The following CES5A variants were observed in gnomAD, a reference collection of about 807,000 sequenced individuals.
CES5A encodes carboxylesterase 5.
In CES5A, 67 loss-of-function variants were observed where a neutral mutation model predicts 62.9. The observed-to-expected ratio is 1.07, with a 90% CI of 0.88 to 1.31. The LOEUF (loss-of-function observed/expected upper bound fraction) is 1.31, where lower values mean the gene tolerates loss of function less well. Among genes scored for constraint, CES5A ranks in the 50% most tolerant of loss-of-function variants. CES5A has a pLI of 0.00. For synonymous variants in CES5A, 296 were observed against 280.8 expected (o/e 1.05, Z -0.54); for missense variants, 748 against 708.5 (o/e 1.06, Z -0.63).
At chr16:55,949,149 C>T (rs545999304) in intron 2 of CES5A, among the ~76,000 whole-genome samples, 2 of 152,174 alleles carry the variant, frequency 1.3e-5, no homozygotes, top group Non-Finnish European at 2.9e-5. Context: ...CCACAGGAAG[C>T]AGACCCTGAG....
chr16:55,859,315 T>G (rs1286711799), intron 8 of CES5A, among the ~76,000 whole-genome samples: 1 of 152,224 alleles, frequency 6.6e-6, no homozygotes, highest in Non-Finnish European at 1.5e-5. Context: ...TTTATACAGT[T>G]GTTTCTTCCG....
intron 1 of CES5A, among the ~76,000 whole-genome samples, chr16:55,897,122 C>T (rs564645351): frequency 2.6e-5 from 4 of 152,096 alleles, no homozygotes; most frequent in African/African-American, 9.6e-5. Flanking sequence ...CCTTCTGCTC[C>T]TCTCCAGCTT....
chr16:55,932,099 T>C (rs1198520947), intron 2 of CES5A, among the ~76,000 whole-genome samples: 1 of 152,022 alleles, frequency 6.6e-6, no homozygotes, highest in Admixed American at 6.6e-5. Context: ...ATCACAAGAG[T>C]GTGTCTATTA....
chr16:55,917,204 C>T (rs2034155685), intron 1 of CES5A, among the ~76,000 whole-genome samples: 1 of 152,194 alleles, frequency 6.6e-6, no homozygotes, highest in Non-Finnish European at 1.5e-5. Context: ...AACACTTACT[C>T]CACCTTTGAC....
chr16:55,864,000 C>T (rs1597119388), intron 5 of CES5A, among the ~76,000 whole-genome samples: 3 of 152,216 alleles, frequency 2.0e-5, no homozygotes, highest in Admixed American at 2.0e-4. Flanking sequence ...CTCACCTCAG[C>T]CTCCCAAAGT....
chr16:55,948,933 T>C (rs1213277269), intron 2 of CES5A, among the ~76,000 whole-genome samples: 1 of 152,156 alleles, frequency 6.6e-6, no homozygotes, highest in Non-Finnish European at 1.5e-5. Flanking sequence ...TGGGGACAGT[T>C]GCAGAAGGAG....
chr16:55,921,305 G>A (rs898528690), intron 1 of CES5A, among the ~76,000 whole-genome samples: 1 of 151,912 alleles, frequency 6.6e-6, no homozygotes, highest in Admixed American at 6.6e-5. Context: ...ACTAGTCCAC[G>A]GCATATAATA....
chr16:55,909,293 C>G (rs1278625459), intron 1 of CES5A, among the ~76,000 whole-genome samples: 2 of 152,174 alleles, frequency 1.3e-5, no homozygotes, highest in African/African-American at 2.4e-5. Flanking sequence ...TTCCTGCACC[C>G]TCTTTCCCAC....
At chr16:55,936,745 G>A (rs1430966435) in intron 2 of CES5A, among the ~76,000 whole-genome samples, 3 of 152,184 alleles carry the variant, frequency 2.0e-5, no homozygotes, top group Non-Finnish European at 2.9e-5. Flanking sequence ...TTTATTTTAG[G>A]TGACAGGGGT....
intron 1 of CES5A, among the ~76,000 whole-genome samples, chr16:55,901,795 GTT>G (rs1438602864): frequency 8.5e-5 from 13 of 152,140 alleles, no homozygotes; most frequent in African/African-American, 3.1e-4. Flanking sequence ...TCTTGCAAAT[GTT>G]TTTTCTGACC....
intron 4 of CES5A, among the ~76,000 whole-genome samples, chr16:55,866,852 T>TA (rs1234438702): frequency 1.3e-5 from 2 of 150,812 alleles, no homozygotes; most frequent in African/African-American, 4.9e-5. Context: ...AAAATAAAAA[T>TA]AAAAAAATAA....
rs1237774837 is a variant in CES5A, at chr16:55,949,904, T to C, written c.43-2A>G. 2.6e-5 allele frequency: 36 copies of C among 1,369,682 alleles called. No homozygotes were observed. Among genetic ancestry groups the C allele is most frequent in the Non-Finnish European group, 3.0e-5 (31 of 1,025,430 alleles). 84.8% of individuals were successfully genotyped at this position (1,369,682 alleles called of 1,614,324 possible). A position where few individuals can be genotyped will look rare whatever the true frequency, so the allele number is the denominator to read the frequency against. On this transcript the variant is annotated splice_acceptor_variant, in intron 1 of 13. Transcript: ENST00000521992. LOFTEE classifies it high-confidence loss of function. ...CATTCCCCTTCTTATCCTAAACTCC[T>C]GGAAAAAAAGAAATAATAATAATAA... is the stretch of plus-strand genomic sequence containing the variant.
chr16:55,859,696 A>C lies in CES5A; in HGVS notation c.916-9T>G, dbSNP rs4082239. The C allele has an allele frequency of 3.8e-6, 6 of 1,597,678 alleles. No individual in the cohort carries two copies. Among genetic ancestry groups the C allele is most frequent in the Non-Finnish European group, 5.1e-6 (6 of 1,174,696 alleles). On this transcript the variant is annotated splice_polypyrimidine_tract_variant and intron_variant, in intron 7 of 12. Transcript: ENST00000290567. ...GTGAAAGACTTTGTTTTCTGTAATA[A>C]GGAAGAAAAAAAAATCATCAGCTAT... is the stretch of plus-strand genomic sequence containing the variant.
intron 2 of CES5A, among the ~76,000 whole-genome samples, chr16:55,932,766 G>A (rs1381684748): frequency 1.3e-5 from 2 of 152,212 alleles, no homozygotes; most frequent in African/African-American, 4.8e-5. Flanking sequence ...AGGGGCTGAT[G>A]AGATGAGGTT....
chr16:55,884,253 G>C (rs2033790839), intron 1 of CES5A, among the ~76,000 whole-genome samples: 1 of 152,196 alleles, frequency 6.6e-6, no homozygotes, highest in Admixed American at 6.5e-5. Flanking sequence ...TCAGCCTTGT[G>C]CTACTCCTCC....
intron 1 of CES5A, among the ~76,000 whole-genome samples, chr16:55,886,127 T>A (rs1332489334): frequency 2.0e-5 from 3 of 152,198 alleles, no homozygotes; most frequent in Non-Finnish European, 4.4e-5. Flanking sequence ...AATTCAACTG[T>A]TACATACCAG....
chr16:55,878,754 A>G (rs1356664537), upstream of CES5A, among the ~76,000 whole-genome samples: 2 of 134,918 alleles, frequency 1.5e-5, no homozygotes, highest in Non-Finnish European at 3.1e-5. Context: ...ACTGCATCTC[A>G]CCACTGAACC....
chr16:55,866,265 G>A, intron 4 of CES5A, 149 bp from the exon 5 acceptor site: 2 of 625,836 alleles, frequency 3.2e-6, no homozygotes, highest in Non-Finnish European at 5.2e-6. Context: ...ACCGGACTCA[G>A]TTCTCACACT....
intron 1 of CES5A, among the ~76,000 whole-genome samples, chr16:55,891,968 T>C (rs2033884303): frequency 6.6e-6 from 1 of 152,230 alleles, no homozygotes; most frequent in Non-Finnish European, 1.5e-5. Flanking sequence ...AATTTACGTC[T>C]GTAAAGAATC....
Sources: gnomAD v4.1 joint callset for allele counts (sites outside exome capture counted in the v4.1 genomes callset) on GRCh38, gnomAD v4.1.1 for gene constraint, MANE v1.5 for transcripts, NCBI Gene and HGNC (gene_info 2026-07-23, HGNC 2026-07-21) for gene names.